TXNL4A: variants seen among roughly 807,000 people sequenced by gnomAD.
TXNL4A encodes thioredoxin-like protein 4A.
In TXNL4A, 17 loss-of-function variants were observed where a neutral mutation model predicts 14.6. The observed-to-expected ratio is 1.16, with a 90% CI of 0.80 to 1.74. TXNL4A has a LOEUF of 1.74. Ranked by LOEUF, TXNL4A falls within the 40% of genes most tolerant of loss-of-function variation. The pLI is 0.00. For missense variants in TXNL4A, 74 were observed against 195.2 expected (o/e 0.38, Z 3.70); for synonymous variants, 83 against 70.6 (o/e 1.18, Z -0.88).
chr18:79,987,351 T>C (rs936674294), intron 1 of TXNL4A, among the ~76,000 whole-genome samples: 1 of 152,262 alleles, frequency 6.6e-6, no homozygotes, highest in Non-Finnish European at 1.5e-5. Context: ...TGTTACTCTT[T>C]ACTCAAAGGA....
intron 1 of TXNL4A, among the ~76,000 whole-genome samples, chr18:79,979,137 C>A (rs919342477): frequency 6.6e-6 from 1 of 151,680 alleles, no homozygotes; most frequent in East Asian, 2.0e-4. Flanking sequence ...GAGGTTTCAC[C>A]ATATTGGCCA....
At chr18:80,027,458 T>C (rs2051892266) in intron 1 of TXNL4A, among the ~76,000 whole-genome samples, 1 of 152,174 alleles carries the variant, frequency 6.6e-6, no homozygotes, top group Non-Finnish European at 1.5e-5. Context: ...TCAGCCAGTA[T>C]TTCTCAGTTG....
At chr18:79,978,049 G>A in intron 1 of TXNL4A, 1 of 190,476 alleles carries the variant, frequency 5.3e-6, no homozygotes, top group Non-Finnish European at 1.1e-5. Context: ...GACACTACTG[G>A]GACCTTGGCC....
intron 1 of TXNL4A, among the ~76,000 whole-genome samples, chr18:80,009,377 C>T (rs889333171): frequency 3.9e-5 from 6 of 152,210 alleles, no homozygotes; most frequent in Admixed American, 2.0e-4. Flanking sequence ...GTTTATCCTC[C>T]GACTTCACAC....
rs2051485653 is a variant in TXNL4A at position 79,982,899 on chromosome 18, G to A, written c.154-5198C>T. On this transcript the variant is annotated intron_variant, in intron 1 of 2. Coordinates refer to ENST00000269601, the MANE Select transcript of TXNL4A (RefSeq NM_006701.5). The surrounding 1 kb of genome is among the most constrained non-coding windows in gnomAD (Gnocchi z 4.0). ...CAGCAAACATCCAGCAGCATCTGCT[G>A]GTGGCGACATTTCCACGGTAACCAA... is the stretch of plus-strand genomic sequence containing the variant. Among the ~76,000 whole-genome samples the A allele has an allele frequency of 6.6e-6, 1 of 152,196 alleles. No individual in the cohort carries two copies. Among genetic ancestry groups the A allele is most frequent in the Non-Finnish European group, 1.5e-5 (1 of 68,034 alleles).
chr18:79,997,150 G>A (rs2051668259), intron 1 of TXNL4A, among the ~76,000 whole-genome samples: 1 of 152,018 alleles, frequency 6.6e-6, no homozygotes, highest in African/African-American at 2.4e-5. Flanking sequence ...ATTTGCTTAA[G>A]GATGTCCCTT....
rs990124939 is a variant in TXNL4A at position 79,982,042 on chromosome 18, G to A, written c.154-4341C>T. 6.6e-6 allele frequency among the ~76,000 whole-genome samples: 1 copy of A among 152,234 alleles called. No individual in the cohort carries two copies. Among genetic ancestry groups the A allele is most frequent in the African/African-American group, 2.4e-5 (1 of 41,460 alleles). On this transcript the variant is annotated intron_variant, in intron 1 of 2. Coordinates refer to ENST00000269601, the MANE Select transcript of TXNL4A (RefSeq NM_006701.5). This position sits in a 1 kb window ranked among gnomAD's most constrained non-coding sequence, Gnocchi z 4.0. ...AAGGGGCAGAGCTGAGATGCACTCT[G>A]TCTGGCTCCAAAGCCTGAACTCTGG...
chr18:80,018,718 T>C (rs1403595961), intron 1 of TXNL4A, among the ~76,000 whole-genome samples: 1 of 152,124 alleles, frequency 6.6e-6, no homozygotes, highest in African/African-American at 2.4e-5. Context: ...TCTACGCAAA[T>C]AAACTAGAAA....
intron 1 of TXNL4A, among the ~76,000 whole-genome samples, chr18:80,021,879 A>T (rs745600088): frequency 3.3e-5 from 5 of 152,154 alleles, no homozygotes. Flanking sequence ...TAGCCTGGCC[A>T]ATTTTCCCGT....
rs1475550763 is a variant in TXNL4A at position 79,982,491 on chromosome 18, G to T, written c.154-4790C>A. 6.6e-6 allele frequency among the ~76,000 whole-genome samples: 1 copy of T among 152,212 alleles called. No homozygotes were observed. The highest frequency in any genetic ancestry group is 1.5e-5 in the Non-Finnish European group (1 of 68,040). On this transcript the variant is annotated intron_variant, in intron 1 of 2. Transcript: ENST00000269601. This position sits in a 1 kb window ranked among gnomAD's most constrained non-coding sequence, Gnocchi z 4.0. ...AGCAGTGATCCCAGCCAGGGTGGCA[G>T]GTGCCAGGCTTGGGAGTGAGTGCAG... is the stretch of plus-strand genomic sequence containing the variant.
At chr18:80,005,567 T>G (rs1248739202) in intron 1 of TXNL4A, among the ~76,000 whole-genome samples, 1 of 152,240 alleles carries the variant, frequency 6.6e-6, no homozygotes, top group African/African-American at 2.4e-5. Context: ...GAAAATAGTT[T>G]TCCTGGGAGC....
intron 1 of TXNL4A, among the ~76,000 whole-genome samples, chr18:80,014,165 A>G (rs1431465735): frequency 6.6e-6 from 1 of 152,144 alleles, no homozygotes; most frequent in Non-Finnish European, 1.5e-5. Context: ...AAGCCATATC[A>G]TTCTTCCCCG....
chr18:80,016,652 C>T (rs914596857), intron 1 of TXNL4A, among the ~76,000 whole-genome samples: 31 of 152,066 alleles, frequency 2.0e-4, no homozygotes, highest in African/African-American at 4.8e-4. Flanking sequence ...TTCTCAGGTT[C>T]GTCAAAGATC....
chr18:80,017,971 C>T (rs1427485344), intron 1 of TXNL4A, among the ~76,000 whole-genome samples: 37 of 150,934 alleles, frequency 2.5e-4, no homozygotes, highest in Admixed American at 5.9e-4. Context: ...TGGTAGAATT[C>T]GGCTGTGAAT....
intron 1 of TXNL4A, 55 bp downstream of exon 1, chr18:79,988,185 G>A: frequency 1.4e-6 from 2 of 1,419,694 alleles, no homozygotes; most frequent in Non-Finnish European, 1.9e-6. Context: ...CAGGGCAGAG[G>A]CGCGGGGCAG....
At chr18:80,002,157 G>C (rs2051702276) in intron 1 of TXNL4A, among the ~76,000 whole-genome samples, 1 of 152,152 alleles carries the variant, frequency 6.6e-6, no homozygotes, top group African/African-American at 2.4e-5. Flanking sequence ...ACCCTTTCAT[G>C]TGGCTCTCAT....
intron 1 of TXNL4A, among the ~76,000 whole-genome samples, chr18:80,006,255 G>A (rs1478655738): frequency 6.6e-6 from 1 of 151,778 alleles, no homozygotes; most frequent in African/African-American, 2.4e-5. Context: ...GTGGTGGCAT[G>A]CGCCTGTAGT....
chr18:80,024,187 T>TAAA (rs34519443), intron 1 of TXNL4A, among the ~76,000 whole-genome samples: 1 of 148,694 alleles, frequency 6.7e-6, no homozygotes, highest in Non-Finnish European at 1.5e-5. Flanking sequence ...ATTCACTGTT[T>TAAA]AAAAAAAAAA....
upstream of TXNL4A, chr18:79,988,683 G>T (rs1044067896): frequency 4.1e-6 from 1 of 245,156 alleles, no homozygotes; most frequent in Non-Finnish European, 7.8e-6. Context: ...GTGGAGCGGC[G>T]GCGACCTGGG....
Sources: allele counts gnomAD v4.1 joint callset (sites outside exome capture counted in the v4.1 genomes callset), GRCh38; gene constraint gnomAD v4.1.1; non-coding constraint Gnocchi (gnomAD v3.1); transcripts MANE v1.5; gene names NCBI Gene and HGNC (gene_info 2026-07-23, HGNC 2026-07-21).